Variants in ARID3A observed in about 807,000 individuals in gnomAD.
ARID3A encodes the protein AT-rich interaction domain 3A.
In ARID3A, 11 loss-of-function variants were observed where a neutral mutation model predicts 52.7. That is an observed-to-expected ratio of 0.21 (90% CI 0.13 to 0.35). ARID3A has a LOEUF of 0.35. Among genes scored for constraint, ARID3A ranks in the 10% least tolerant of loss-of-function variants. ARID3A has a pLI of 1.00. For missense variants in ARID3A, 721 were observed against 838.5 expected, an observed-to-expected ratio of 0.86 and a Z score of 1.73; for synonymous variants, 404 against 359.4, an observed-to-expected ratio of 1.12 and a Z score of -1.40.
chr19:946,375 C>T (rs1463301866), intron 3 of ARID3A, among the ~76,000 whole-genome samples: 1 of 151,724 alleles, frequency 6.6e-6, no homozygotes, highest in African/African-American at 2.4e-5. Context: ...GATTCTCCTG[C>T]CTTAGCCTCC....
rs905486609 is a variant in ARID3A at position 960,505 on chromosome 19, T to C, written c.766+341T>C. 6.6e-6 allele frequency among the ~76,000 whole-genome samples: 1 copy of C among 151,484 alleles called. No homozygotes were observed. The highest frequency in any genetic ancestry group is 2.1e-4 in the South Asian group (1 of 4,774). The stretch of plus-strand genomic sequence containing the variant: ...TCCCCACTACTGGGTAATGGGGGAG[T>C]GGAACCAGCCTCTGTGTTTAGGGAG... On this transcript the variant is annotated intron_variant, in intron 4 of 8. Coordinates refer to ENST00000263620, the MANE Select transcript of ARID3A (RefSeq NM_005224.3). The surrounding 1 kb of genome is among the most constrained non-coding windows in gnomAD (Gnocchi z 4.3).
intron 8 of ARID3A, among the ~76,000 whole-genome samples, chr19:969,936 G>A (rs1022931505): frequency 4.6e-5 from 7 of 151,910 alleles, no homozygotes; most frequent in South Asian, 2.1e-4. Flanking sequence ...CAGGTGATCC[G>A]CCTGCCTCGG....
chr19:965,729 C>T (rs1166402017), intron 6 of ARID3A, among the ~76,000 whole-genome samples: 3 of 151,936 alleles, frequency 2.0e-5, no homozygotes, highest in East Asian at 3.9e-4. Flanking sequence ...CAGTGGCTCA[C>T]GCCTGTAGTC....
At chr19:962,936 C>G (rs940930549) in intron 4 of ARID3A, among the ~76,000 whole-genome samples, 21 of 152,222 alleles carry the variant, frequency 1.4e-4, no homozygotes, top group Non-Finnish European at 2.5e-4. Flanking sequence ...CGCGGCTCCT[C>G]TCGCCCAGGC....
rs775338115 is a variant in ARID3A at position 973,104 on chromosome 19, A to ATCTTTTTTTTTTTTTTTTTTTTTTTTTT, written c.*1040_*1041insCTTTTTTTTTTTTTTTTTTTTTTTTTTT. The ATCTTTTTTTTTTTTTTTTTTTTTTTTTT allele has an allele frequency of 1.9e-5, 1 of 53,488 alleles. No individual in the cohort carries two copies. The highest frequency in any genetic ancestry group is 3.4e-5 in the Non-Finnish European group (1 of 29,006). The allele number at this position is 53,488 out of a possible 1,614,324, so 3.3% of individuals were successfully genotyped here. A position where few individuals can be genotyped will look rare whatever the true frequency, so the allele number is the denominator to read the frequency against. On this transcript the variant is annotated 3_prime_UTR_variant, in exon 9 of 9. Transcript: ENST00000263620. The stretch of plus-strand genomic sequence containing the variant: ...GGGCTCTCGAGTCAGGGGCCTGGAA[A>ATCTTTTTTTTTTTTTTTTTTTTTTTTTT]TTTTTTTTTTTTTTTTTTTTTGAGA...
intron 3 of ARID3A, among the ~76,000 whole-genome samples, chr19:952,627 A>G (rs2037825569): frequency 6.6e-6 from 1 of 152,114 alleles, no homozygotes. Context: ...TTCTGTGGCC[A>G]AAGAGAGCGT....
intron 3 of ARID3A, among the ~76,000 whole-genome samples, chr19:933,388 G>C (rs572934814): frequency 6.6e-6 from 1 of 152,162 alleles, no homozygotes; most frequent in South Asian, 2.1e-4. Flanking sequence ...GTGGCCGGGC[G>C]GGGGATGCTT....
At chr19:955,806 C>G (rs532253954) in intron 3 of ARID3A, among the ~76,000 whole-genome samples, 1 of 152,204 alleles carries the variant, frequency 6.6e-6, no homozygotes, top group East Asian at 1.9e-4. Flanking sequence ...GTGTGCTGGC[C>G]TCTACGTGCG....
At chr19:933,012 G>T (rs1283475056) in intron 3 of ARID3A, among the ~76,000 whole-genome samples, 5 of 152,168 alleles carry the variant, frequency 3.3e-5, no homozygotes, top group African/African-American at 1.2e-4. Flanking sequence ...GGAGGTGATG[G>T]GGCAGAGATG....
In ARID3A at chr19:947,498, C is replaced by T. The variant is rs1224190789; in HGVS notation, c.694-12594C>T. On this transcript the variant is annotated intron_variant, in intron 3 of 8. Transcript: ENST00000263620. This position sits in a 1 kb window ranked among gnomAD's most constrained non-coding sequence, Gnocchi z 6.3. The stretch of plus-strand genomic sequence containing the variant: ...GCTGGCGGCCGGTCAGCGTCTCCTC[C>T]CTGAGCAAGGGACTCCCCCATCCAT... Among the ~76,000 whole-genome samples the T allele has an allele frequency of 2.0e-5, 3 of 152,160 alleles. No individual in the cohort carries two copies. Among genetic ancestry groups the T allele is most frequent in the Non-Finnish European group, 4.4e-5 (3 of 68,028 alleles).
chr19:943,429 G>A (rs1269681900), intron 3 of ARID3A, among the ~76,000 whole-genome samples: 1 of 151,994 alleles, frequency 6.6e-6, no homozygotes, highest in Non-Finnish European at 1.5e-5. Flanking sequence ...TTAGCCGGGC[G>A]TGGTGGCGGG....
rs1555727927 is a variant in ARID3A, at chr19:944,325, G to GGGGGGTGTGT, written c.693+11584_693+11585insGGGGTGTGTG. 2.7e-5 allele frequency among the ~76,000 whole-genome samples: 4 copies of GGGGGGTGTGT among 149,748 alleles called. No homozygotes were observed. Among genetic ancestry groups the GGGGGGTGTGT allele is most frequent in the African/African-American group, 9.8e-5 (4 of 40,862 alleles). On this transcript the variant is annotated intron_variant, in intron 3 of 8. Transcript: ENST00000263620. The surrounding 1 kb of genome is among the most constrained non-coding windows in gnomAD (Gnocchi z 5.9). ...TCTGGCTGCAGGGGCGCGTCCAGGGGGTGTGTGTGTGTGTGTGTGTGTGTC... is the reference window on the plus strand; with the variant it reads ...TCTGGCTGCAGGGGCGCGTCCAGGGGGGGGGTGTGTGTGTGTGTGTGTGTGTGTGTGTGTC...
At position 973,104 on chromosome 19, in the gene ARID3A, A is replaced by ATTTTTTTTTTTTTCTTTTTT. The variant is rs2038315295; in HGVS notation, c.*1052_*1053insCTTTTTTTTTTTTTTTTTTT. Reference sequence around the variant, plus strand: ...GGGCTCTCGAGTCAGGGGCCTGGAAATTTTTTTTTTTTTTTTTTTTTGAGA... The same window carrying ATTTTTTTTTTTTTCTTTTTT: ...GGGCTCTCGAGTCAGGGGCCTGGAAATTTTTTTTTTTTTCTTTTTTTTTTTTTTTTTTTTTTTTTTTGAGA... On this transcript the variant is annotated 3_prime_UTR_variant, in exon 9 of 9. Transcript: ENST00000263620. The ATTTTTTTTTTTTTCTTTTTT allele has an allele frequency of 3.7e-5, 2 of 53,488 alleles. No homozygotes were observed. Among genetic ancestry groups the ATTTTTTTTTTTTTCTTTTTT allele is most frequent in the Non-Finnish European group, 6.9e-5 (2 of 29,006 alleles). The allele number at this position is 53,488 out of a possible 1,614,324, so 3.3% of individuals were successfully genotyped here. A position where few individuals can be genotyped will look rare whatever the true frequency, so the allele number is the denominator to read the frequency against.
intron 3 of ARID3A, among the ~76,000 whole-genome samples, chr19:935,853 C>T (rs938997141): frequency 2.0e-5 from 3 of 152,168 alleles, no homozygotes; most frequent in East Asian, 1.9e-4. Flanking sequence ...TACAGTGGCG[C>T]GATCGCGGCT....
chr19:955,267 CAG>C (rs1171962413), intron 3 of ARID3A, among the ~76,000 whole-genome samples: 1 of 152,202 alleles, frequency 6.6e-6, no homozygotes, highest in Non-Finnish European at 1.5e-5. Flanking sequence ...GCGCCCCCCA[CAG>C]GGGAGCGGAA....
intron 8 of ARID3A, 93 bp from the exon 9 acceptor site, chr19:971,785 T>A (rs567573873): frequency 6.9e-7 from 1 of 1,449,076 alleles, no homozygotes; most frequent in Non-Finnish European, 9.1e-7. Flanking sequence ...AGAGAGAAGT[T>A]TATTCCCCGG....
chr19:933,423 G>T (rs977741593), intron 3 of ARID3A, among the ~76,000 whole-genome samples: 1 of 152,178 alleles, frequency 6.6e-6, no homozygotes, highest in African/African-American at 2.4e-5. Context: ...GCTGGGCCGG[G>T]CAGATGGAAA....
intron 3 of ARID3A, among the ~76,000 whole-genome samples, chr19:953,788 C>T (rs188736147): frequency 9.2e-4 from 140 of 152,180 alleles, no homozygotes; most frequent in Admixed American, 1.6e-3. Flanking sequence ...TAGAAAGACG[C>T]CAAGGCTGGG....
At chr19:930,409 A>G (rs904071319) in intron 2 of ARID3A, among the ~76,000 whole-genome samples, 1 of 148,302 alleles carries the variant, frequency 6.7e-6, no homozygotes, top group Non-Finnish European at 1.5e-5. Context: ...AAAATTAGCC[A>G]GGCGTGGTGG....
Sources: allele counts gnomAD v4.1 joint callset (sites outside exome capture counted in the v4.1 genomes callset), GRCh38; gene constraint gnomAD v4.1.1; non-coding constraint Gnocchi (gnomAD v3.1); transcripts MANE v1.5; gene names NCBI Gene and HGNC (gene_info 2026-07-23, HGNC 2026-07-21).